Variants in TBL1XR1 observed in about 807,000 individuals in gnomAD.
TBL1XR1 encodes the protein F-box-like/WD repeat-containing protein TBL1XR1.
A neutral mutation model predicts 66.9 loss-of-function variants in TBL1XR1; 5 were observed. The ratio of observed to expected loss-of-function variants is 0.07; its 90% confidence interval spans 0.04 to 0.16. TBL1XR1 has a LOEUF of 0.16. Ranked by LOEUF, TBL1XR1 falls within the 10% of genes least tolerant of loss-of-function variation. TBL1XR1 has a pLI of 1.00. For synonymous variants in TBL1XR1, 210 were observed against 206.0 expected (o/e 1.02, Z -0.17); for missense variants, 238 against 623.2 (o/e 0.38, Z 6.58).
At chr3:177,049,199 A>C (rs761982556) in intron 7 of TBL1XR1, among the ~76,000 whole-genome samples, 1 of 152,246 alleles carries the variant, frequency 6.6e-6, no homozygotes, top group Non-Finnish European at 1.5e-5. Flanking sequence ...AAGAATTGGA[A>C]GATCCTTTAG....
chr3:177,150,454 A>G (rs1219778539), intron 1 of TBL1XR1, among the ~76,000 whole-genome samples: 1 of 152,198 alleles, frequency 6.6e-6, no homozygotes, highest in Non-Finnish European at 1.5e-5. Flanking sequence ...CCAGAGACCA[A>G]AAGCTATCAG....
Position 177,112,102 on chromosome 3 carries a change from TATATA to T in TBL1XR1, c.-121-13566_-121-13562del, listed in dbSNP as rs1435476055. ...ATATATATATATATATATATATATA[TATATA>T]TTTTTTTTTTTTTTTTTTGTGAGGG... is the stretch of plus-strand genomic sequence containing the variant. On this transcript the variant is annotated intron_variant, in intron 1 of 15. Transcript: ENST00000457928. Among the ~76,000 whole-genome samples, 529 of 57,652 alleles carry T rather than the reference TATATA, an allele frequency of 9.2e-3. 18 individuals are homozygous for T. Among genetic ancestry groups the T allele is most frequent in the African/African-American group, 0.059 (495 of 8,320 alleles). 37.8% of individuals were successfully genotyped at this position (57,652 alleles called of 152,430 possible).
At chr3:177,117,923 T>C (rs1560195488) in intron 1 of TBL1XR1, among the ~76,000 whole-genome samples, 1 of 152,242 alleles carries the variant, frequency 6.6e-6, no homozygotes, top group Non-Finnish European at 1.5e-5. Flanking sequence ...CTCAATTTGC[T>C]ATTTTTATAC....
intron 1 of TBL1XR1, among the ~76,000 whole-genome samples, chr3:177,184,869 C>T (rs962239562): frequency 6.6e-6 from 1 of 151,574 alleles, no homozygotes; most frequent in Admixed American, 6.6e-5. Context: ...AGAAACAACA[C>T]TTGTTAATCA....
At chr3:177,059,568 A>C in intron 3 of TBL1XR1, among the ~76,000 whole-genome samples, 1 of 152,200 alleles carries the variant, frequency 6.6e-6, no homozygotes, top group East Asian at 1.9e-4. Context: ...CTGTATTTCT[A>C]AGGAGATGGA....
At chr3:177,091,113 G>A (rs1357638510) in intron 2 of TBL1XR1, 1 of 152,058 alleles carries the variant, frequency 6.6e-6, no homozygotes, top group Admixed American at 6.6e-5. Context: ...TATCAAATTG[G>A]AGGTGGGCAG....
chr3:177,149,227 C>A (rs1238349715), intron 1 of TBL1XR1, among the ~76,000 whole-genome samples: 5 of 152,140 alleles, frequency 3.3e-5, no homozygotes, highest in Non-Finnish European at 7.3e-5. Context: ...CATCTGCAAT[C>A]AAACTGAGTG....
Position 177,188,508 on chromosome 3 carries a change from T to C in TBL1XR1, c.-122+8613A>G, listed in dbSNP as rs527420479. On this transcript the variant is annotated intron_variant, in intron 1 of 15. Coordinates refer to ENST00000457928, the MANE Select transcript of TBL1XR1 (RefSeq NM_024665.7). ...GGTGCAGTGAGCCAAAATTGCGCCA[T>C]TGCACTCCAGCCTGGGCAACAAGAG... 3.9e-5 allele frequency among the ~76,000 whole-genome samples: 6 copies of C among 151,960 alleles called. No homozygotes were observed. In the East Asian group the frequency reaches 7.8e-4, roughly 20 times the overall value.
chr3:177,043,806 T>A (rs1055177315), intron 10 of TBL1XR1, among the ~76,000 whole-genome samples: 4 of 152,242 alleles, frequency 2.6e-5, no homozygotes, highest in African/African-American at 9.6e-5. Context: ...TTTTTTATGA[T>A]TACATTTTCT....
Position 177,192,083 on chromosome 3 carries a change from ACT to A in TBL1XR1, c.-122+5036_-122+5037del, listed in dbSNP as rs1236499660. On this transcript the variant is annotated intron_variant, in intron 1 of 15. Transcript: ENST00000457928. ...ACTCCAGCATGGGTGACAGAGCAAG[ACT>A]CTGTCTCAAAAAAAAAAAAAAAAGA... Among the ~76,000 whole-genome samples the A allele has an allele frequency of 9.5e-5, 11 of 116,364 alleles. No individual in the cohort carries two copies. The East Asian group carries it at 1.7e-3, about 18-fold the overall frequency. 76.3% of individuals were successfully genotyped at this position (116,364 alleles called of 152,430 possible).
At chr3:177,187,672 A>G (rs1375063277) in intron 1 of TBL1XR1, among the ~76,000 whole-genome samples, 1 of 152,040 alleles carries the variant, frequency 6.6e-6, no homozygotes, top group African/African-American at 2.4e-5. Flanking sequence ...CCACTCAAAA[A>G]CTGAGTCACT....
At chr3:177,092,130 T>A (rs934639786) in intron 2 of TBL1XR1, among the ~76,000 whole-genome samples, 1 of 152,120 alleles carries the variant, frequency 6.6e-6, no homozygotes, top group African/African-American at 2.4e-5. Flanking sequence ...AAATGTGAAA[T>A]CCAAAATGCT....
chr3:177,034,073 C>G lies in TBL1XR1; in HGVS notation c.1250+125G>C, dbSNP rs1377520877. 7 of 1,102,346 alleles carry G rather than the reference C, an allele frequency of 6.4e-6. No individual in the cohort carries two copies. In the Admixed American group the frequency reaches 8.0e-5, roughly 13 times the overall value. 68.3% of individuals were successfully genotyped at this position (1,102,346 alleles called of 1,614,324 possible). The stretch of plus-strand genomic sequence containing the variant: ...AAAACCACCTATACACCAAAAACTA[C>G]TGAAATTGGAAAAAAAAAAAAAAAA... On this transcript the variant is annotated intron_variant, in intron 13 of 15. Transcript: ENST00000457928.
intron 1 of TBL1XR1, chr3:177,194,080 G>C (rs1453735027): frequency 6.6e-6 from 1 of 152,206 alleles, no homozygotes; most frequent in African/African-American, 2.4e-5. Context: ...CAATCCCAGA[G>C]GGGTAAACAG....
chr3:177,053,916 A>G lies in TBL1XR1; in HGVS notation c.61T>C (p.Phe21Leu), dbSNP rs1342744746. 1 of 1,599,978 alleles carries G rather than the reference A, an allele frequency of 6.3e-7. No individual in the cohort carries two copies. The highest frequency in any genetic ancestry group is 1.4e-5 in the African/African-American group (1 of 73,924). ...CCAAAGGTAAATGCTGAATGAGAAA[A>G]TCCTAAAAACAAAAGAAAAGGCATG... is the stretch of plus-strand genomic sequence containing the variant. ...LVYRYLQESGFSHSAFTFGIE... is the reference protein window; with the variant it reads ...LVYRYLQESGLSHSAFTFGIE... The change falls in exon 4 of 16, where the codon TTT becomes CTT. Residue 21 changes from phenylalanine to leucine, a missense_variant and splice_region_variant. By Grantham distance (22) the Phe-to-Leu change is conservative. Coordinates refer to ENST00000457928, the MANE Select transcript of TBL1XR1 (RefSeq NM_024665.7).
chr3:177,153,648 G>A (rs909934429), intron 1 of TBL1XR1, among the ~76,000 whole-genome samples: 1 of 152,146 alleles, frequency 6.6e-6, no homozygotes, highest in African/African-American at 2.4e-5. Context: ...AGCACTTTGG[G>A]AGGCCGGGGC....
intron 1 of TBL1XR1, among the ~76,000 whole-genome samples, chr3:177,124,314 A>G (rs1345288754): frequency 1.3e-5 from 2 of 152,144 alleles, no homozygotes; most frequent in African/African-American, 2.4e-5. Context: ...TCACATGACT[A>G]ACTAGAAATC....
intron 3 of TBL1XR1, among the ~76,000 whole-genome samples, chr3:177,062,081 C>A (rs767920407): frequency 1.3e-4 from 20 of 152,192 alleles, no homozygotes; most frequent in Non-Finnish European, 2.2e-4. Context: ...AAATAAATAT[C>A]TCATGGCACC....
At chr3:177,101,735 CTGTTA>C (rs1323113658) in intron 1 of TBL1XR1, among the ~76,000 whole-genome samples, 1 of 152,184 alleles carries the variant, frequency 6.6e-6, no homozygotes, top group Admixed American at 6.5e-5. Flanking sequence ...CTATGGTATT[CTGTTA>C]TAACAACAGA....
Sources: allele counts gnomAD v4.1 joint callset (sites outside exome capture counted in the v4.1 genomes callset), GRCh38; gene constraint gnomAD v4.1.1; transcripts MANE v1.5; gene names NCBI Gene and HGNC (gene_info 2026-07-23, HGNC 2026-07-21).